Variants in AFF2 observed in about 807,000 individuals in gnomAD.
AFF2 encodes AF4/FMR2 family member 2.
In AFF2, 14 loss-of-function variants were observed where a neutral mutation model predicts 76.9. The ratio of observed to expected loss-of-function variants is 0.18; its 90% CI spans 0.12 to 0.28. The LOEUF (loss-of-function observed/expected upper bound fraction) is 0.28, where lower values mean the gene tolerates loss of function less well. Ranked by LOEUF, AFF2 falls within the 10% of genes least tolerant of loss-of-function variation. The pLI is 1.00. For missense variants in AFF2, 868 were observed against 1,001.1 expected (o/e 0.87, Z 1.79); for synonymous variants, 398 against 366.7 (o/e 1.09, Z -0.98).
intron 3 of AFF2, among the ~76,000 whole-genome samples, chrX:148,714,063 G>T (rs1390454082): frequency 8.9e-6 from 1 of 111,742 alleles, no homozygotes. Context: ...TTTCAAGTGG[G>T]TCAAGATATC....
intron 17 of AFF2, 50 bp from the exon 18 acceptor site, chrX:148,978,312 A>G (rs1156646394): frequency 5.6e-6 from 5 of 893,947 alleles, no homozygotes; most frequent in Admixed American, 2.3e-5. Context: ...ACAGTTTATA[A>G]AGTTTCACTA....
intron 1 of AFF2, among the ~76,000 whole-genome samples, chrX:148,526,136 C>G (rs1557235171): frequency 1.8e-5 from 2 of 111,678 alleles, no homozygotes; most frequent in African/African-American, 6.5e-5. Flanking sequence ...ACTTGGCACT[C>G]CACTATAAGA....
chrX:148,721,114 C>T (rs1467678888), intron 3 of AFF2, among the ~76,000 whole-genome samples: 3 of 111,951 alleles, frequency 2.7e-5, no homozygotes, highest in Admixed American at 9.5e-5. Flanking sequence ...GTAAAGAATC[C>T]ACTTGGTGGA....
chrX:148,551,184 G>A (rs1157343487), intron 1 of AFF2, among the ~76,000 whole-genome samples: 1 of 109,870 alleles, frequency 9.1e-6, no homozygotes, highest in Non-Finnish European at 1.9e-5. Flanking sequence ...CAACAACATG[G>A]CTCCCCTACA....
intron 8 of AFF2, among the ~76,000 whole-genome samples, chrX:148,895,568 T>G (rs2071273439): frequency 2.6e-5 from 1 of 38,117 alleles, no homozygotes; most frequent in Admixed American, 3.9e-4. Flanking sequence ...TGTGAGTGAG[T>G]GAGTGTGTGT....
intron 3 of AFF2, among the ~76,000 whole-genome samples, chrX:148,795,676 G>A (rs1302296538): frequency 7.1e-5 from 7 of 98,806 alleles, no homozygotes; most frequent in East Asian, 3.2e-4. Flanking sequence ...GGTGACATGC[G>A]CCTGTAGTCC....
intron 8 of AFF2, among the ~76,000 whole-genome samples, chrX:148,889,512 A>C (rs2071198605): frequency 8.9e-6 from 1 of 112,610 alleles, no homozygotes; most frequent in African/African-American, 3.2e-5. Context: ...TTTTACCTTC[A>C]AATGACTCTT....
intron 13 of AFF2, among the ~76,000 whole-genome samples, chrX:148,966,269 TC>T (rs782037626): frequency 1.7e-3 from 195 of 111,595 alleles, no homozygotes; most frequent in Non-Finnish European, 2.2e-3. Context: ...GAGTACAATT[TC>T]CTAGTATTTT....
intron 3 of AFF2, among the ~76,000 whole-genome samples, chrX:148,795,836 T>TAA (rs2069971952): frequency 9.6e-5 from 1 of 10,418 alleles, no homozygotes. Context: ...AAAAAAAATA[T>TAA]ATATATATAT....
intron 4 of AFF2, among the ~76,000 whole-genome samples, chrX:148,825,516 A>G (rs1379131013): frequency 9.0e-6 from 1 of 110,708 alleles, no homozygotes; most frequent in Non-Finnish European, 1.9e-5. Context: ...TGATTTGGCC[A>G]AGGAGTTTAG....
chrX:148,583,681 C>G (rs782672810), intron 1 of AFF2, among the ~76,000 whole-genome samples: 1 of 111,834 alleles, frequency 8.9e-6, no homozygotes, highest in South Asian at 3.7e-4. Flanking sequence ...TTAAAAGCTA[C>G]AAGTTTGTAC....
At position 148,662,242 on chromosome X, in the gene AFF2, G is replaced by A. The variant is rs1333983592; in HGVS notation, c.515G>A (p.Ser172Asn). 1.7e-6 allele frequency: 2 copies of A among 1,209,839 alleles called. No individual in the cohort carries two copies. The highest frequency in any genetic ancestry group is 2.2e-6 in the Non-Finnish European group (2 of 895,274). Residue 172 changes from serine to asparagine, a missense_variant, in exon 3 of 21, where the codon AGC becomes AAC. Coordinates refer to ENST00000370460, the MANE Select transcript of AFF2 (RefSeq NM_002025.4). ...DSHNPSTVLA[S>N]QASGQPNKMQ... is the part of the protein sequence containing the mutation. ...CATAACCCTAGCACTGTACTGGCAA[G>A]CCAGGCCAGTGGTCAGCCAAACAAG...
chrX:148,756,009 C>G (rs2055557422), intron 3 of AFF2, among the ~76,000 whole-genome samples: 1 of 112,001 alleles, frequency 8.9e-6, no homozygotes, highest in Non-Finnish European at 1.9e-5. Context: ...GGGCCCACAT[C>G]ATTGTGGAGC....
At chrX:148,524,121 C>CTG (rs1433893462) in intron 1 of AFF2, among the ~76,000 whole-genome samples, 4 of 80,429 alleles carry the variant, frequency 5.0e-5, no homozygotes, top group East Asian at 1.1e-3. Context: ...CTCTCTCTCT[C>CTG]TCTGTGTGTG....
intron 3 of AFF2, among the ~76,000 whole-genome samples, chrX:148,706,083 CCTTAA>C: frequency 8.9e-6 from 1 of 111,787 alleles, no homozygotes; most frequent in Admixed American, 9.5e-5. Flanking sequence ...CTTCTTAAAC[CCTTAA>C]CTTATTTATT....
chrX:148,627,989 G>A (rs781955979), intron 1 of AFF2, among the ~76,000 whole-genome samples: 9 of 111,692 alleles, frequency 8.1e-5, no homozygotes, highest in Admixed American at 2.9e-4. Context: ...AAAGCTTATG[G>A]TGTTCGAGAA....
chrX:148,759,901 T>C (rs2069419991), intron 3 of AFF2, among the ~76,000 whole-genome samples: 1 of 111,975 alleles, frequency 8.9e-6, no homozygotes, highest in Admixed American at 9.5e-5. Flanking sequence ...AAGAAATTAT[T>C]GTCCCACCAA....
At chrX:148,911,865 G>T (rs782791429) in intron 9 of AFF2, among the ~76,000 whole-genome samples, 1 of 111,844 alleles carries the variant, frequency 8.9e-6, no homozygotes, top group Non-Finnish European at 1.9e-5. Context: ...TTACTATTCG[G>T]CCCAACAATC....
At chrX:148,547,838 A>G (rs185608830) in intron 1 of AFF2, among the ~76,000 whole-genome samples, 9 of 111,689 alleles carry the variant, frequency 8.1e-5, no homozygotes, top group Admixed American at 7.6e-4. Context: ...ACAAAGAAAA[A>G]GTCCTTCCTA....
Sources: allele counts gnomAD v4.1 joint callset (sites outside exome capture counted in the v4.1 genomes callset), GRCh38; gene constraint gnomAD v4.1.1; transcripts MANE v1.5; gene names NCBI Gene and HGNC (gene_info 2026-07-23, HGNC 2026-07-21).